Variants in HOXC5 observed in about 807,000 individuals in gnomAD.
HOXC5 encodes homeobox protein Hox-C5.
Under a neutral mutation model 20.1 loss-of-function variants are expected in HOXC5, and 19 were observed. That is an observed-to-expected ratio of 0.94 (90% CI 0.66 to 1.38). The LOEUF (loss-of-function observed/expected upper bound fraction) is 1.38, where lower values mean the gene tolerates loss of function less well. Among genes scored for constraint, HOXC5 ranks in the 40% most tolerant of loss-of-function variants. The pLI is 0.00. For synonymous variants in HOXC5, 124 were observed against 117.0 expected, an observed-to-expected ratio of 1.06 and a Z score of -0.39; for missense variants, 330 against 300.1, an observed-to-expected ratio of 1.10 and a Z score of -0.74.
chr12:54,016,980 T>C, the HOXC5 span: 1 of 152,094 alleles, frequency 6.6e-6, no homozygotes, highest in Admixed American at 6.5e-5. Flanking sequence ...TAAATTAATC[T>C]GATTAATAAT....
the HOXC5 span, among the ~76,000 whole-genome samples, chr12:54,026,968 G>GA: frequency 1.5e-5 from 2 of 135,212 alleles, no homozygotes; most frequent in East Asian, 2.4e-4. Context: ...AAATGGTGGG[G>GA]GGGGGGGGAT....
chr12:54,028,743 T>G, upstream of HOXC5: 1 of 1,614,118 alleles, frequency 6.2e-7, no homozygotes, highest in South Asian at 1.1e-5. Context: ...ACTATGGATC[T>G]AATTCCTTTT....
At chr12:54,028,263 A>T (rs1455517402), upstream of HOXC5, 188 of 73,374 alleles carry the variant, frequency 2.6e-3, 2 homozygotes, top group African/African-American at 8.3e-3. Flanking sequence ...ATATATATAT[A>T]TATATTTTTT....
the HOXC5 span, among the ~76,000 whole-genome samples, chr12:54,024,385 G>A: frequency 6.6e-6 from 1 of 151,276 alleles, no homozygotes; most frequent in Non-Finnish European, 1.5e-5. Context: ...TAGTTGCAGC[G>A]CGGCAGTCAG....
At chr12:54,029,612 C>CT, upstream of HOXC5, 1 of 1,585,424 alleles carries the variant, frequency 6.3e-7, no homozygotes, top group Non-Finnish European at 8.6e-7. Flanking sequence ...GCAGAGGACG[C>CT]TTTGCTGATT....
chr12:54,033,883 G>GCTCC (rs1033156690), intron 1 of HOXC5: 10 of 468,844 alleles, frequency 2.1e-5, no homozygotes, highest in Admixed American at 3.8e-5. Context: ...TCCCCCCGCG[G>GCTCC]CTCCCTCCCT....
the HOXC5 span, among the ~76,000 whole-genome samples, chr12:54,027,886 AT>A: frequency 2.6e-5 from 4 of 151,912 alleles, no homozygotes; most frequent in Non-Finnish European, 4.4e-5. Context: ...GTTTTATGAA[AT>A]TTCTTTCTAC....
At chr12:54,019,442 GC>G in the HOXC5 span, among the ~76,000 whole-genome samples, 1 of 152,146 alleles carries the variant, frequency 6.6e-6, no homozygotes, top group African/African-American at 2.4e-5. Context: ...CACAAGAGGG[GC>G]CCGAGAGGCC....
the HOXC5 span, among the ~76,000 whole-genome samples, chr12:54,026,607 T>C: frequency 1.3e-5 from 2 of 152,310 alleles, no homozygotes; most frequent in South Asian, 4.1e-4. Flanking sequence ...TTTCTGTCCT[T>C]TCTGGAGGAT....
upstream of HOXC5, among the ~76,000 whole-genome samples, chr12:54,032,566 T>C (rs1411341678): frequency 6.6e-6 from 1 of 152,236 alleles, no homozygotes; most frequent in Non-Finnish European, 1.5e-5. Flanking sequence ...AACGGGACTT[T>C]CATTACAAAA....
At chr12:54,031,068 G>A (rs1037331863), upstream of HOXC5, among the ~76,000 whole-genome samples, 1 of 152,278 alleles carries the variant, frequency 6.6e-6, no homozygotes, top group African/African-American at 2.4e-5. Flanking sequence ...AGCCGCGTAG[G>A]ATTTTGTTGC....
the HOXC5 span, among the ~76,000 whole-genome samples, chr12:54,026,022 A>G: frequency 5.3e-5 from 8 of 152,272 alleles, no homozygotes; most frequent in African/African-American, 1.7e-4. Flanking sequence ...AAGACATCCT[A>G]TCTTCCATCA....
chr12:54,021,910 T>G, the HOXC5 span: 1 of 152,290 alleles, frequency 6.6e-6, no homozygotes, highest in Non-Finnish European at 1.5e-5. Flanking sequence ...CTCCCTCCCC[T>G]TTCCAGCAAC....
chr12:54,031,785 C>T (rs1004419140), upstream of HOXC5, among the ~76,000 whole-genome samples: 2 of 152,186 alleles, frequency 1.3e-5, no homozygotes, highest in African/African-American at 4.8e-5. Context: ...AAGTATGAGA[C>T]TTGGGGCTAC....
rs145794998 is a variant in HOXC5, at chr12:54,034,281, C to G, written c.458C>G (p.Thr153Arg). ...WMTKLHMSHE[T>R]DGKRSRTSYT... ...TGGGGTGGGGTTTATGTTCCAGAGACGGACGGCAAGCGGTCCCGAACCAGT... is the reference window on the plus strand; with the variant it reads ...TGGGGTGGGGTTTATGTTCCAGAGAGGGACGGCAAGCGGTCCCGAACCAGT... The change falls in exon 2 of 2, where the codon ACG becomes AGG. Residue 153 changes from threonine to arginine, a missense_variant. Transcript: ENST00000312492. 67 of 1,612,980 alleles carry G rather than the reference C, an allele frequency of 4.2e-5. No homozygotes were observed. In the African/African-American group the frequency reaches 8.3e-4, roughly 20 times the overall value.
rs1356345090 is a variant in HOXC5 at position 54,034,520 on chromosome 12, G to T, written c.*28G>T. On this transcript the variant is annotated 3_prime_UTR_variant, in exon 2 of 2. Coordinates refer to ENST00000312492, the MANE Select transcript of HOXC5 (RefSeq NM_018953.4). ...GCAGCGGGGGAGGCCCGCAGAGCGC[G>T]CCCCTAGCCGGTTCCTGTCCCTGCG... 3 of 1,581,604 alleles carry T rather than the reference G, an allele frequency of 1.9e-6. No homozygotes were observed. Among genetic ancestry groups the T allele is most frequent in the African/African-American group, 1.3e-5 (1 of 74,218 alleles).
chr12:54,032,243 C>T (rs1010583179), upstream of HOXC5, among the ~76,000 whole-genome samples: 1 of 152,186 alleles, frequency 6.6e-6, no homozygotes, highest in Admixed American at 6.5e-5. Flanking sequence ...CTCCTCACCT[C>T]CAGATCCATC....
At position 54,034,044 on chromosome 12, in the gene HOXC5, C is replaced by T; in HGVS notation, c.455-234C>T. ...GGGTCTCCCTCTTCCCCCCAACCCC[C>T]CCTCAGCCCCTCCGGCTGCAGAGTG... On this transcript the variant is annotated intron_variant, in intron 1 of 1. Transcript: ENST00000312492. The T allele has an allele frequency of 5.7e-6, 4 of 699,552 alleles. No homozygotes were observed. The South Asian group carries it at 6.0e-5, about 10-fold the overall frequency. The allele number at this position is 699,552 out of a possible 1,614,324, so 43.3% of individuals were successfully genotyped here. A position where few individuals can be genotyped will look rare whatever the true frequency, so the allele number is the denominator to read the frequency against.
Position 54,034,262 on chromosome 12 carries a change from G to A in HOXC5, c.455-16G>A. On this transcript the variant is annotated splice_polypyrimidine_tract_variant and intron_variant, in intron 1 of 1. Coordinates refer to ENST00000312492, the MANE Select transcript of HOXC5 (RefSeq NM_018953.4). Reference sequence around the variant, plus strand: ...TATTCACCCCTTCCTGGCTTGGGGTGGGGTTTATGTTCCAGAGACGGACGG... The same window carrying A: ...TATTCACCCCTTCCTGGCTTGGGGTAGGGTTTATGTTCCAGAGACGGACGG... 1.2e-6 allele frequency: 2 copies of A among 1,607,854 alleles called. No individual in the cohort carries two copies. Among genetic ancestry groups the A allele is most frequent in the Non-Finnish European group, 1.7e-6 (2 of 1,175,986 alleles).
Sources: allele counts gnomAD v4.1 joint callset (sites outside exome capture counted in the v4.1 genomes callset), GRCh38; gene constraint gnomAD v4.1.1; transcripts MANE v1.5; gene names NCBI Gene and HGNC (gene_info 2026-07-23, HGNC 2026-07-21).